The following COL25A1 variants were observed in gnomAD, a reference collection of about 807,000 sequenced individuals.
COL25A1 encodes the protein collagen type XXV alpha 1 chain.
In COL25A1, 103 loss-of-function variants were observed where a neutral mutation model predicts 128.4. The ratio of observed to expected loss-of-function variants is 0.80; its 90% CI spans 0.68 to 0.94. The LOEUF (loss-of-function observed/expected upper bound fraction) is 0.94. Ranked by LOEUF, COL25A1 falls within the 40% of genes least tolerant of loss-of-function variation. The pLI, the probability that COL25A1 is intolerant of heterozygous loss-of-function variation, is 0.00. For missense variants in COL25A1, 745 were observed against 840.0 expected (o/e 0.89, Z 1.40); for synonymous variants, 279 against 277.2 (o/e 1.01, Z -0.06).
intron 3 of COL25A1, among the ~76,000 whole-genome samples, chr4:109,154,576 T>C (rs1771852237): frequency 6.6e-6 from 1 of 152,196 alleles, no homozygotes; most frequent in Admixed American, 6.5e-5. Flanking sequence ...CTTGAAGATG[T>C]TGGCAGGACA....
chr4:108,931,249 G>A (rs1402001102), intron 11 of COL25A1, among the ~76,000 whole-genome samples: 1 of 152,166 alleles, frequency 6.6e-6, no homozygotes, highest in Non-Finnish European at 1.5e-5. Context: ...AACAGAGTAG[G>A]ATGACGGGAC....
At chr4:109,207,133 G>C (rs2126190018) in intron 3 of COL25A1, among the ~76,000 whole-genome samples, 1 of 152,166 alleles carries the variant, frequency 6.6e-6, no homozygotes, top group South Asian at 2.1e-4. Context: ...CCTTGTGCTG[G>C]GGTTAACTAA....
rs548342100 is a variant in COL25A1 at position 109,141,142 on chromosome 4, C to G, written c.368-90963G>C. On this transcript the variant is annotated intron_variant, in intron 3 of 37. Coordinates refer to ENST00000399132, the MANE Select transcript of COL25A1 (RefSeq NM_198721.4). The stretch of plus-strand genomic sequence containing the variant: ...TAGTTTATTGAGAGTTTTTAGCATG[C>G]AGGGTGTTGAATTTTATTGAAGGCG... Among the ~76,000 whole-genome samples, 35 of 152,086 alleles carry G rather than the reference C, an allele frequency of 2.3e-4. 2 individuals are homozygous for G. In the South Asian group the frequency reaches 5.2e-3, roughly 23 times the overall value.
intron 3 of COL25A1, among the ~76,000 whole-genome samples, chr4:109,155,751 G>A (rs772909285): frequency 5.3e-5 from 8 of 152,130 alleles, no homozygotes; most frequent in Admixed American, 1.3e-4. Context: ...CCAAAGTTCC[G>A]TTTTGTTCAC....
chr4:108,952,166 T>C (rs569382129), intron 8 of COL25A1, among the ~76,000 whole-genome samples: 22 of 152,326 alleles, frequency 1.4e-4, no homozygotes, highest in African/African-American at 5.1e-4. Flanking sequence ...TACCAGTTTG[T>C]AGTAATTAAA....
intron 10 of COL25A1, 147 bp from the exon 11 acceptor site, chr4:108,937,990 G>T: frequency 1.7e-6 from 1 of 587,150 alleles, no homozygotes; most frequent in South Asian, 2.5e-5. Flanking sequence ...TTAAAAGAGA[G>T]CTAATTTCCC....
chr4:109,041,152 A>C (rs1759853666), intron 5 of COL25A1, among the ~76,000 whole-genome samples: 1 of 152,146 alleles, frequency 6.6e-6, no homozygotes, highest in Non-Finnish European at 1.5e-5. Context: ...CAATCCTGTT[A>C]TAGATCTAAG....
chr4:109,237,384 T>C (rs1779546692), intron 3 of COL25A1, among the ~76,000 whole-genome samples: 3 of 151,952 alleles, frequency 2.0e-5, no homozygotes, highest in Admixed American at 6.6e-5. Context: ...TTTAGAAAAA[T>C]TATCTTTCAG....
At chr4:109,051,944 A>G (rs1411669689) in intron 3 of COL25A1, among the ~76,000 whole-genome samples, 1 of 152,166 alleles carries the variant, frequency 6.6e-6, no homozygotes, top group African/African-American at 2.4e-5. Flanking sequence ...AAATGTTAGG[A>G]AATACCAGAG....
intron 3 of COL25A1, among the ~76,000 whole-genome samples, chr4:109,284,898 TA>T (rs35323327): frequency 1.1e-3 from 154 of 142,412 alleles, no homozygotes; most frequent in Admixed American, 4.8e-3. Flanking sequence ...ACAGCATGTA[TA>T]AAAAAAAAAA....
intron 11 of COL25A1, among the ~76,000 whole-genome samples, chr4:108,922,105 C>T (rs1273656102): frequency 6.6e-6 from 1 of 152,136 alleles, no homozygotes; most frequent in African/African-American, 2.4e-5. Flanking sequence ...CAATCAGTTA[C>T]CCCTAGATCT....
intron 3 of COL25A1, among the ~76,000 whole-genome samples, chr4:109,068,910 T>C (rs929504256): frequency 2.6e-5 from 4 of 152,004 alleles, no homozygotes; most frequent in African/African-American, 9.7e-5. Flanking sequence ...ACAAGAAATA[T>C]GTCACATATT....
intron 3 of COL25A1, among the ~76,000 whole-genome samples, chr4:109,182,943 C>T (rs563724449): frequency 7.7e-4 from 117 of 152,248 alleles, no homozygotes; most frequent in African/African-American, 2.7e-3. Flanking sequence ...ATAGCACACA[C>T]ACACACAAAG....
chr4:109,196,412 T>C (rs1400497684), intron 3 of COL25A1, among the ~76,000 whole-genome samples: 1 of 152,136 alleles, frequency 6.6e-6, no homozygotes, highest in African/African-American at 2.4e-5. Context: ...TGTGTATATA[T>C]GTGTATATAT....
chr4:109,092,742 G>C (rs963515524), intron 3 of COL25A1, among the ~76,000 whole-genome samples: 6 of 152,164 alleles, frequency 3.9e-5, no homozygotes, highest in Non-Finnish European at 7.3e-5. Context: ...ACATTGTCCA[G>C]TGCTCCCTAT....
chr4:109,198,101 T>G lies in COL25A1; in HGVS notation c.367+102482A>C, dbSNP rs565205812. 2.2e-3 allele frequency among the ~76,000 whole-genome samples: 342 copies of G among 152,266 alleles called. 1 individual carries two copies. Among genetic ancestry groups the G allele is most frequent in the African/African-American group, 7.6e-3 (316 of 41,544 alleles). On this transcript the variant is annotated intron_variant, in intron 3 of 37. Transcript: ENST00000399132. ...TCAATTGTTTGCTTTTACTTTGAAC[T>G]TTTTTCATTATATCTTACCCCGGTC...
At chr4:109,089,451 A>T (rs1175587302) in intron 3 of COL25A1, among the ~76,000 whole-genome samples, 4 of 152,194 alleles carry the variant, frequency 2.6e-5, no homozygotes, top group Admixed American at 2.6e-4. Flanking sequence ...AATTTCTTAT[A>T]TAAAACCTGT....
chr4:109,132,416 T>C (rs3113733), intron 3 of COL25A1, among the ~76,000 whole-genome samples: 86,922 of 152,006 alleles, frequency 0.57, 27,050 homozygotes, highest in African/African-American at 0.81. Flanking sequence ...TATTGAGAGA[T>C]ATAAAATAAG....
intron 6 of COL25A1, among the ~76,000 whole-genome samples, chr4:109,000,860 A>C (rs558264831): frequency 1.1e-4 from 15 of 141,088 alleles, no homozygotes; most frequent in African/African-American, 3.0e-4. Flanking sequence ...TTAATAGAAG[A>C]AGCAGCATTC....
Sources: allele counts gnomAD v4.1 joint callset (sites outside exome capture counted in the v4.1 genomes callset), GRCh38; gene constraint gnomAD v4.1.1; transcripts MANE v1.5; gene names NCBI Gene and HGNC (gene_info 2026-07-23, HGNC 2026-07-21).